EVA1C: variants seen among roughly 807,000 people sequenced by gnomAD.
EVA1C encodes protein eva-1 homolog C.
Under a neutral mutation model 45.4 loss-of-function variants are expected in EVA1C, and 25 were observed. The ratio of observed to expected loss-of-function variants is 0.55; its 90% CI spans 0.40 to 0.77. The LOEUF is 0.77. EVA1C is among the 30% of genes least tolerant of loss of function. The pLI, the probability that EVA1C is intolerant of heterozygous loss-of-function variation, is 0.00. For missense variants in EVA1C, 479 were observed against 554.8 expected, an observed-to-expected ratio of 0.86 and a Z score of 1.37; for synonymous variants, 190 against 221.2, an observed-to-expected ratio of 0.86 and a Z score of 1.25.
chr21:32,450,376 C>A (rs1250013243), intron 1 of EVA1C, among the ~76,000 whole-genome samples: 52 of 127,602 alleles, frequency 4.1e-4, no homozygotes, highest in African/African-American at 2.7e-4. Flanking sequence ...TTCTCTGGAG[C>A]CTTGTCATTT....
At chr21:32,432,920 C>T (rs1244954430) in intron 1 of EVA1C, among the ~76,000 whole-genome samples, 2 of 152,044 alleles carry the variant, frequency 1.3e-5, no homozygotes, top group Non-Finnish European at 1.5e-5. Context: ...TCTGTAGAGA[C>T]GAGGTCTCAC....
At chr21:32,453,262 A>C (rs1426527874) in intron 1 of EVA1C, 50 bp from the exon 2 acceptor site, 4 of 1,390,452 alleles carry the variant, frequency 2.9e-6, no homozygotes, top group South Asian at 2.5e-5. Flanking sequence ...AAACCCATGG[A>C]GGAGTGGTGG....
intron 3 of EVA1C, among the ~76,000 whole-genome samples, chr21:32,466,681 G>A (rs562892593): frequency 6.6e-6 from 1 of 152,314 alleles, no homozygotes; most frequent in South Asian, 2.1e-4. Context: ...CAGCTTGACA[G>A]TCAGTTGTTC....
chr21:32,502,498 C>T (rs2037592193), intron 6 of EVA1C, among the ~76,000 whole-genome samples: 1 of 152,062 alleles, frequency 6.6e-6, no homozygotes, highest in Admixed American at 6.6e-5. Context: ...GAATGGAATT[C>T]AAACCCATGG....
rs1331668869 is a variant in EVA1C, at chr21:32,426,766, C to T, written c.160+13753C>T. Among the ~76,000 whole-genome samples the T allele has an allele frequency of 2.6e-5, 4 of 152,286 alleles. No individual in the cohort carries two copies. The East Asian group carries it at 5.8e-4, about 22-fold the overall frequency. ...TGCAGAGCAGCTTCCACTTTCTGAG[C>T]ATGCCTCCCTCCATCACCCCTTCAG... On this transcript the variant is annotated intron_variant, in intron 1 of 7. Transcript: ENST00000300255.
At chr21:32,457,279 G>A (rs553258494) in intron 2 of EVA1C, among the ~76,000 whole-genome samples, 2 of 152,314 alleles carry the variant, frequency 1.3e-5, no homozygotes, top group East Asian at 1.9e-4. Context: ...AAAGTCCTCT[G>A]ACCTCGCTTG....
At chr21:32,493,302 C>T (rs1440207992) in intron 4 of EVA1C, among the ~76,000 whole-genome samples, 1 of 152,190 alleles carries the variant, frequency 6.6e-6, no homozygotes, top group Non-Finnish European at 1.5e-5. Flanking sequence ...CCAGGGAATC[C>T]TCTACACTGT....
At position 32,452,782 on chromosome 21, in the gene EVA1C, C is replaced by G. The variant is rs1268559362; in HGVS notation, c.161-530C>G. The G allele has an allele frequency of 6.6e-6, 1 of 152,404 alleles. No individual in the cohort carries two copies. The highest frequency in any genetic ancestry group is 1.9e-4 in the East Asian group (1 of 5,170). The allele number at this position is 152,404 out of a possible 1,614,324, so 9.4% of individuals were successfully genotyped here. A position where few individuals can be genotyped will look rare whatever the true frequency, so the allele number is the denominator to read the frequency against. ...TGGGCTGCCCAGCAGCCAGACTCTC[C>G]TCCGACCGCCCCCGACTGATTTCCA... On this transcript the variant is annotated intron_variant, in intron 1 of 7. Coordinates refer to ENST00000300255, the MANE Select transcript of EVA1C (RefSeq NM_058187.5). This position sits in a 1 kb window ranked among gnomAD's most constrained non-coding sequence, Gnocchi z 4.0.
chr21:32,441,471 GT>G (rs1352881474), intron 1 of EVA1C, among the ~76,000 whole-genome samples: 2 of 151,268 alleles, frequency 1.3e-5, no homozygotes, highest in Non-Finnish European at 2.9e-5. Context: ...AGAAGGCACC[GT>G]GGCTGAAGTC....
chr21:32,505,665 A>G (rs2037702099), intron 7 of EVA1C, among the ~76,000 whole-genome samples: 2 of 152,176 alleles, frequency 1.3e-5, no homozygotes, highest in South Asian at 2.1e-4. Flanking sequence ...TTCATGATCA[A>G]AGTATCCACC....
chr21:32,496,055 A>G (rs1356628495), intron 5 of EVA1C, among the ~76,000 whole-genome samples: 3 of 152,232 alleles, frequency 2.0e-5, no homozygotes, highest in Non-Finnish European at 4.4e-5. Context: ...TAGTATATGC[A>G]CAGAATTGTG....
chr21:32,490,074 G>A (rs972267763), intron 4 of EVA1C, among the ~76,000 whole-genome samples: 1 of 152,134 alleles, frequency 6.6e-6, no homozygotes, highest in African/African-American at 2.4e-5. Flanking sequence ...AAAGTGCTGG[G>A]ATTACAGACA....
chr21:32,473,507 G>A (rs929760557), intron 4 of EVA1C, among the ~76,000 whole-genome samples: 2 of 152,086 alleles, frequency 1.3e-5, no homozygotes, highest in Non-Finnish European at 1.5e-5. Flanking sequence ...CCCGCTATCC[G>A]TCCCTCCCTT....
intron 5 of EVA1C, among the ~76,000 whole-genome samples, chr21:32,496,598 T>C (rs1179734880): frequency 6.6e-6 from 1 of 152,112 alleles, no homozygotes; most frequent in Non-Finnish European, 1.5e-5. Context: ...GCCAAAAAGG[T>C]CACTTTGAGT....
At chr21:32,497,917 A>G (rs993466128) in intron 5 of EVA1C, among the ~76,000 whole-genome samples, 1 of 152,150 alleles carries the variant, frequency 6.6e-6, no homozygotes, top group African/African-American at 2.4e-5. Flanking sequence ...CCCGCCCCTA[A>G]GATTCAATCA....
intron 1 of EVA1C, among the ~76,000 whole-genome samples, chr21:32,444,078 ACACACACACACAC>A (rs2035279616): frequency 8.3e-6 from 1 of 121,210 alleles, no homozygotes; most frequent in Non-Finnish European, 2.0e-5. Flanking sequence ...ACACACACAC[ACACACACACACAC>A]AAACTCAAAG....
chr21:32,449,608 G>A (rs1198414353), intron 1 of EVA1C, among the ~76,000 whole-genome samples: 1 of 147,966 alleles, frequency 6.8e-6, no homozygotes. Context: ...GGTTTCTTTC[G>A]TTTTTTGTTT....
intron 1 of EVA1C, among the ~76,000 whole-genome samples, chr21:32,441,359 G>C (rs1162067067): frequency 6.6e-6 from 1 of 152,100 alleles, no homozygotes; most frequent in East Asian, 1.9e-4. Flanking sequence ...AATGAAGGGA[G>C]GAAGGGAGAA....
intron 6 of EVA1C, among the ~76,000 whole-genome samples, chr21:32,502,899 G>A (rs2037603858): frequency 2.0e-5 from 3 of 152,110 alleles, no homozygotes; most frequent in Admixed American, 2.0e-4. Flanking sequence ...CAAGGTGCTG[G>A]GATTACAGGC....
Sources: gnomAD v4.1 joint callset for allele counts (sites outside exome capture counted in the v4.1 genomes callset) on GRCh38, gnomAD v4.1.1 for gene constraint, Gnocchi (gnomAD v3.1) non-coding constraint, MANE v1.5 for transcripts, NCBI Gene and HGNC (gene_info 2026-07-23, HGNC 2026-07-21) for gene names.